PDE2A: variants seen among roughly 807,000 people sequenced by gnomAD.
PDE2A encodes the protein cGMP-dependent 3',5'-cyclic phosphodiesterase.
Under a neutral mutation model 133.6 loss-of-function variants are expected in PDE2A, and 53 were observed. The ratio of observed to expected loss-of-function variants is 0.40; its 90% CI spans 0.32 to 0.50. The LOEUF (loss-of-function observed/expected upper bound fraction) is 0.50, where lower values mean the gene tolerates loss of function less well. Ranked by LOEUF, PDE2A falls within the 20% of genes least tolerant of loss-of-function variation. PDE2A has a pLI of 0.73. For synonymous variants in PDE2A, 491 were observed against 490.2 expected, an observed-to-expected ratio of 1.00 and a Z score of -0.02; for missense variants, 796 against 1,232.4, an observed-to-expected ratio of 0.65 and a Z score of 5.30.
At chr11:72,664,892 C>G (rs1412534576) in intron 1 of PDE2A, among the ~76,000 whole-genome samples, 2 of 151,860 alleles carry the variant, frequency 1.3e-5, no homozygotes, top group Non-Finnish European at 2.9e-5. Context: ...CTGCAACCTC[C>G]GCCTCCTGGG....
chr11:72,656,133 G>A (rs1041766241), intron 1 of PDE2A, among the ~76,000 whole-genome samples: 1 of 152,202 alleles, frequency 6.6e-6, no homozygotes, highest in Middle Eastern at 3.2e-3. Flanking sequence ...CTGCACAGTG[G>A]GGTGCGAGAG....
intron 4 of PDE2A, chr11:72,598,767 C>T (rs1442498808): frequency 5.1e-6 from 5 of 985,250 alleles, no homozygotes; most frequent in Non-Finnish European, 6.0e-6. Flanking sequence ...TTGAGCATCT[C>T]GTTCAAGCTC....
chr11:72,635,908 G>T, intron 2 of PDE2A: 1 of 1,040,200 alleles, frequency 9.6e-7, no homozygotes, highest in Non-Finnish European at 1.2e-6. Flanking sequence ...CTCACTCCCG[G>T]CCCTCTCCAT....
intron 2 of PDE2A, among the ~76,000 whole-genome samples, chr11:72,618,011 T>C (rs1192155811): frequency 6.6e-6 from 1 of 152,128 alleles, no homozygotes; most frequent in East Asian, 1.9e-4. Context: ...TCTCAGCTCC[T>C]CTCTCCCAGC....
At chr11:72,625,789 G>A (rs75371948) in intron 2 of PDE2A, among the ~76,000 whole-genome samples, 8,756 of 152,292 alleles carry the variant, frequency 0.057, 854 homozygotes, top group African/African-American at 0.2. Context: ...ACTCCCCCCA[G>A]CAAGGGCGCT....
At chr11:72,627,613 G>A (rs1858148845) in intron 2 of PDE2A, among the ~76,000 whole-genome samples, 1 of 152,202 alleles carries the variant, frequency 6.6e-6, no homozygotes, top group African/African-American at 2.4e-5. Flanking sequence ...GGGACATGAG[G>A]GGACCCAGCA....
intron 2 of PDE2A, among the ~76,000 whole-genome samples, chr11:72,609,673 G>A (rs557252368): frequency 1.3e-5 from 2 of 152,250 alleles, no homozygotes; most frequent in East Asian, 3.9e-4. Flanking sequence ...CAAAGGAAAC[G>A]AGGGCCAAGG....
intron 1 of PDE2A, among the ~76,000 whole-genome samples, chr11:72,669,535 T>C (rs999822576): frequency 8.6e-5 from 13 of 152,010 alleles, no homozygotes; most frequent in Non-Finnish European, 1.5e-4. Flanking sequence ...TATATCGACT[T>C]CCCAGGAGGA....
chr11:72,661,979 A>G (rs888557115), intron 1 of PDE2A, among the ~76,000 whole-genome samples: 1 of 151,962 alleles, frequency 6.6e-6, no homozygotes, highest in Non-Finnish European at 1.5e-5. Context: ...TGTCTGTGCT[A>G]TGGTCTGCTT....
chr11:72,611,577 A>G (rs1857213930), intron 2 of PDE2A, among the ~76,000 whole-genome samples: 1 of 152,216 alleles, frequency 6.6e-6, no homozygotes, highest in Admixed American at 6.5e-5. Flanking sequence ...AGTAGCAATA[A>G]GGAGAGCAGG....
intron 1 of PDE2A, among the ~76,000 whole-genome samples, chr11:72,651,164 T>C (rs952274080): frequency 6.6e-6 from 1 of 152,234 alleles, no homozygotes; most frequent in African/African-American, 2.4e-5. Flanking sequence ...TCTTACATTC[T>C]GTGAATGCGA....
chr11:72,639,859 A>G (rs911232937), intron 2 of PDE2A, among the ~76,000 whole-genome samples: 2 of 152,168 alleles, frequency 1.3e-5, no homozygotes, highest in African/African-American at 4.8e-5. Flanking sequence ...GAGCAAGAAC[A>G]GGATGGCAGC....
chr11:72,642,204 G>A, intron 2 of PDE2A, 50 bp downstream of exon 2: 4 of 1,394,880 alleles, frequency 2.9e-6, no homozygotes, highest in South Asian at 3.3e-5. Context: ...CCGGCCCGGC[G>A]CTCGCCGGAC....
In PDE2A at chr11:72,577,587, G is replaced by C. The variant is rs1409172465; in HGVS notation, c.2623C>G (p.Gln875Glu). The C allele has an allele frequency of 2.5e-6, 4 of 1,581,936 alleles. No homozygotes were observed. The East Asian group carries it at 9.1e-5, about 36-fold the overall frequency. ...TCTGCCGCTTTGGGGAACAGGTCCT[G>C]CAACAGCCTGCGGGTGCATGGGGGG... ...HIAMPIYKLLQDLFPKAAELY... is the reference protein window; with the variant it reads ...HIAMPIYKLLEDLFPKAAELY... The change falls in exon 31 of 31, where the codon CAG becomes GAG. Residue 875 changes from glutamine to glutamate, a missense_variant. Coordinates refer to ENST00000334456, the MANE Select transcript of PDE2A (RefSeq NM_002599.5).
At position 72,578,016 on chromosome 11, in the gene PDE2A, A is replaced by T. The variant is rs938855238; in HGVS notation, c.2615+217T>A. Among the ~76,000 whole-genome samples the T allele has an allele frequency of 2.6e-5, 4 of 152,198 alleles. No individual in the cohort carries two copies. In the South Asian group the frequency reaches 6.2e-4, roughly 24 times the overall value. Reference sequence around the variant, plus strand: ...ACAAGAATGTGAGACAGAGGAGGACACCTAGGAAAGCATGATGGTCTCTTT... The same window carrying T: ...ACAAGAATGTGAGACAGAGGAGGACTCCTAGGAAAGCATGATGGTCTCTTT... On this transcript the variant is annotated intron_variant, in intron 30 of 30. Coordinates refer to ENST00000334456, the MANE Select transcript of PDE2A (RefSeq NM_002599.5). The surrounding 1 kb of genome is among the most constrained non-coding windows in gnomAD (Gnocchi z 4.2).
At chr11:72,613,110 C>T (rs1259977664) in intron 2 of PDE2A, among the ~76,000 whole-genome samples, 4 of 152,166 alleles carry the variant, frequency 2.6e-5, no homozygotes, top group African/African-American at 9.7e-5. Flanking sequence ...TAAGATCTTT[C>T]CTGTTTCATC....
At chr11:72,580,398 G>A (rs1379410846) in intron 25 of PDE2A, among the ~76,000 whole-genome samples, 179 bp downstream of exon 25, 8 of 152,080 alleles carry the variant, frequency 5.3e-5, no homozygotes, top group African/African-American at 1.7e-4. Flanking sequence ...GCTATCATCC[G>A]CACCTGCACC....
intron 1 of PDE2A, among the ~76,000 whole-genome samples, chr11:72,657,413 A>T (rs924721555): frequency 2.0e-5 from 3 of 152,146 alleles, no homozygotes; most frequent in African/African-American, 4.8e-5. Context: ...GTCCCTCTGG[A>T]TGGAACAATC....
At chr11:72,658,282 A>G (rs562263322) in intron 1 of PDE2A, 1 of 373,818 alleles carries the variant, frequency 2.7e-6, no homozygotes. Flanking sequence ...CAGGTTATGG[A>G]GGAAACAAGG....
Sources: allele counts gnomAD v4.1 joint callset (sites outside exome capture counted in the v4.1 genomes callset), GRCh38; gene constraint gnomAD v4.1.1; non-coding constraint Gnocchi (gnomAD v3.1); transcripts MANE v1.5; gene names NCBI Gene and HGNC (gene_info 2026-07-23, HGNC 2026-07-21).